Variants in VIT observed in about 807,000 individuals in gnomAD.
VIT encodes vitrin.
Under a neutral mutation model 78.0 loss-of-function variants are expected in VIT, and 99 were observed. The ratio of observed to expected loss-of-function variants is 1.27; its 90% confidence interval spans 1.08 to 1.50. VIT has a LOEUF of 1.50. Among genes scored for constraint, VIT ranks in the 40% most tolerant of loss-of-function variants. The pLI is 0.00. For missense variants in VIT, 1,126 were observed against 875.3 expected (o/e 1.29, Z -3.61); for synonymous variants, 374 against 334.3 (o/e 1.12, Z -1.29).
intron 13 of VIT, among the ~76,000 whole-genome samples, chr2:36,803,133 C>T (rs749437225): frequency 9.9e-5 from 15 of 152,230 alleles, no homozygotes; most frequent in Non-Finnish European, 2.1e-4. Context: ...ACACCCACAA[C>T]ATGGATCTCC....
chr2:36,707,614 G>T (rs929153414), intron 1 of VIT, among the ~76,000 whole-genome samples: 1 of 152,144 alleles, frequency 6.6e-6, no homozygotes, highest in South Asian at 2.1e-4. Flanking sequence ...GGATGGACCC[G>T]CTTCCTCTCA....
At chr2:36,698,554 T>A (rs1456538284) in intron 1 of VIT, among the ~76,000 whole-genome samples, 1 of 152,178 alleles carries the variant, frequency 6.6e-6, no homozygotes, top group African/African-American at 2.4e-5. Flanking sequence ...AAAACAGAAA[T>A]AGCAATGCCT....
At chr2:36,782,949 A>G (rs1391654698) in intron 10 of VIT, among the ~76,000 whole-genome samples, 2 of 152,326 alleles carry the variant, frequency 1.3e-5, no homozygotes, top group East Asian at 1.9e-4. Flanking sequence ...GAGGACCTAC[A>G]TGATCTTGGC....
chr2:36,793,449 C>T (rs1442587419), intron 12 of VIT, among the ~76,000 whole-genome samples: 1 of 152,222 alleles, frequency 6.6e-6, no homozygotes. Context: ...CAGGACGCTG[C>T]ACCCTGGGCT....
chr2:36,763,327 G>T (rs1669232005), intron 6 of VIT, among the ~76,000 whole-genome samples: 1 of 152,126 alleles, frequency 6.6e-6, no homozygotes, highest in African/African-American at 2.4e-5. Flanking sequence ...GAGCTCTTCC[G>T]ACCACACCCA....
chr2:36,710,790 G>A (rs1391746693), intron 1 of VIT, among the ~76,000 whole-genome samples: 2 of 152,122 alleles, frequency 1.3e-5, no homozygotes, highest in Non-Finnish European at 2.9e-5. Context: ...ACCACAATGT[G>A]TTTATCCATT....
At chr2:36,721,152 A>G (rs922222472) in intron 2 of VIT, among the ~76,000 whole-genome samples, 5 of 152,252 alleles carry the variant, frequency 3.3e-5, no homozygotes, top group African/African-American at 1.2e-4. Flanking sequence ...TGTACTCACC[A>G]CACACATAAA....
chr2:36,721,828 C>G (rs1558514241), intron 2 of VIT, among the ~76,000 whole-genome samples: 2 of 152,234 alleles, frequency 1.3e-5, no homozygotes, highest in Admixed American at 6.5e-5. Context: ...CCCTCCACCC[C>G]CTTTAGGTTG....
intron 6 of VIT, among the ~76,000 whole-genome samples, chr2:36,762,893 G>C (rs13384278): frequency 4.6e-5 from 7 of 152,026 alleles, no homozygotes; most frequent in Admixed American, 4.6e-4. Context: ...TTTAAATACT[G>C]TTCCCCCACC....
At chr2:36,788,487 G>A (rs555782096) in intron 12 of VIT, among the ~76,000 whole-genome samples, 8 of 152,142 alleles carry the variant, frequency 5.3e-5, no homozygotes, top group African/African-American at 1.9e-4. Flanking sequence ...TGAGTTAACT[G>A]GCACTTGTAT....
chr2:36,759,440 G>A (rs1193057876), intron 6 of VIT: 5 of 1,249,484 alleles, frequency 4.0e-6, no homozygotes, highest in Non-Finnish European at 5.1e-6. Context: ...GAACGAGGTG[G>A]TTTATGTGAT....
In VIT at chr2:36,794,699, C is replaced by G. The variant is rs914449804; in HGVS notation, c.1059-6602C>G. Among the ~76,000 whole-genome samples, 14 of 152,238 alleles carry G rather than the reference C, an allele frequency of 9.2e-5. No individual in the cohort carries two copies. In the East Asian group the frequency reaches 2.7e-3, roughly 29 times the overall value. On this transcript the variant is annotated intron_variant, in intron 12 of 15. Transcript: ENST00000379242. ...CTTTAATTCCCTTGGTGGATGAGTT[C>G]CATGCCTTTGCCCCTAATTATAATT...
chr2:36,750,550 C>A (rs1017887856), intron 4 of VIT, among the ~76,000 whole-genome samples: 1 of 152,120 alleles, frequency 6.6e-6, no homozygotes, highest in Non-Finnish European at 1.5e-5. Flanking sequence ...TCACTAGGTG[C>A]GGTGGCTCAC....
At chr2:36,814,140 C>A (rs1305550774) in intron 15 of VIT, 43 bp from the exon 16 acceptor site, 2 of 1,594,900 alleles carry the variant, frequency 1.3e-6, no homozygotes, top group African/African-American at 1.3e-5. Context: ...TTAGCAGCAC[C>A]TTTACTTGGG....
At chr2:36,786,849 T>A (rs6706949) in intron 11 of VIT, among the ~76,000 whole-genome samples, 4,056 of 152,314 alleles carry the variant, frequency 0.027, 168 homozygotes, top group African/African-American at 0.092. Context: ...CAGCCTTCCC[T>A]AGCTTGGCTA....
chr2:36,698,334 A>T (rs1246898114), intron 1 of VIT, among the ~76,000 whole-genome samples: 1 of 152,230 alleles, frequency 6.6e-6, no homozygotes, highest in East Asian at 1.9e-4. Flanking sequence ...GTTACTGATC[A>T]CATGAAGAAT....
chr2:36,811,116 G>T (rs145306459), intron 15 of VIT, among the ~76,000 whole-genome samples: 19 of 152,306 alleles, frequency 1.2e-4, no homozygotes, highest in Admixed American at 8.5e-4. Flanking sequence ...AGCCTGTAGG[G>T]CACCCTCATA....
intron 1 of VIT, among the ~76,000 whole-genome samples, chr2:36,708,523 C>T (rs1665596266): frequency 6.6e-6 from 1 of 151,948 alleles, no homozygotes; most frequent in Non-Finnish European, 1.5e-5. Context: ...AATTTTTAAG[C>T]CCTCCATGTC....
At chr2:36,704,948 T>C (rs1389660170) in intron 1 of VIT, among the ~76,000 whole-genome samples, 1 of 152,168 alleles carries the variant, frequency 6.6e-6, no homozygotes, top group African/African-American at 2.4e-5. Context: ...GTGTTCAGGC[T>C]AGTCCAGGCT....
Sources: allele counts gnomAD v4.1 joint callset (sites outside exome capture counted in the v4.1 genomes callset), GRCh38; gene constraint gnomAD v4.1.1; transcripts MANE v1.5; gene names NCBI Gene and HGNC (gene_info 2026-07-23, HGNC 2026-07-21).